Variants in UGT1A5 observed in about 807,000 individuals in gnomAD.
UGT1A5 encodes the protein UDP-glucuronosyltransferase 1A5.
In UGT1A5, 29 loss-of-function variants were observed where a neutral mutation model predicts 40.3. That is an observed-to-expected ratio of 0.72 (90% CI 0.54 to 0.98). UGT1A5 has a LOEUF of 0.98. Among genes scored for constraint, UGT1A5 ranks in the 50% least tolerant of loss-of-function variants. The pLI is 0.00. For synonymous variants in UGT1A5, 257 were observed against 262.5 expected (o/e 0.98, Z 0.20); for missense variants, 678 against 677.9 (o/e 1.00, Z 0.00).
At chr2:233,754,489 A>G (rs1289708374) in intron 1 of UGT1A5, 4 of 357,158 alleles carry the variant, frequency 1.1e-5, no homozygotes, top group Non-Finnish European at 1.1e-5. Flanking sequence ...TTTCAATCCT[A>G]AAAAAAGTCC....
intron 1 of UGT1A5, among the ~76,000 whole-genome samples, chr2:233,717,113 A>T (rs1374660753): frequency 6.6e-6 from 1 of 152,068 alleles, no homozygotes; most frequent in Admixed American, 6.6e-5. Flanking sequence ...ATAAAACACC[A>T]CTACATGGAA....
At chr2:233,748,105 C>T in intron 1 of UGT1A5, 1 of 1,612,580 alleles carries the variant, frequency 6.2e-7, no homozygotes, top group Non-Finnish European at 8.5e-7. Flanking sequence ...TTCATCCAAT[C>T]AATGTTCCAG....
At chr2:233,722,096 T>C (rs1392126534) in intron 1 of UGT1A5, 1 of 203,514 alleles carries the variant, frequency 4.9e-6, no homozygotes, top group East Asian at 1.4e-4. Context: ...ACCTTAGGCC[T>C]CTTAGAGGAA....
Position 233,724,954 on chromosome 2 carries a change from C to T in UGT1A5, c.867+11096C>T, listed in dbSNP as rs544768388. Among the ~76,000 whole-genome samples, 7 of 144,024 alleles carry T rather than the reference C, an allele frequency of 4.9e-5. No homozygotes were observed. In the South Asian group the frequency reaches 7.3e-4, roughly 15 times the overall value. 94.5% of individuals were successfully genotyped at this position (144,024 alleles called of 152,430 possible). Reference sequence around the variant, plus strand: ...GACTCCGTCTGCAATCCCGGCACCTCGGGAGGCCGAGGTTGGCGGATCACT... The same window carrying T: ...GACTCCGTCTGCAATCCCGGCACCTTGGGAGGCCGAGGTTGGCGGATCACT... On this transcript the variant is annotated intron_variant, in intron 1 of 4. Transcript: ENST00000373414.
rs1263379860 is a variant in UGT1A5 at position 233,724,980 on chromosome 2, C to T, written c.867+11122C>T. 2.1e-5 allele frequency among the ~76,000 whole-genome samples: 3 copies of T among 144,408 alleles called. 1 individual carries two copies. Among genetic ancestry groups the T allele is most frequent in the East Asian group, 2.1e-4 (1 of 4,756 alleles). The allele number at this position is 144,408 out of a possible 152,430, so 94.7% of individuals were successfully genotyped here. Reference sequence around the variant, plus strand: ...GGGAGGCCGAGGTTGGCGGATCACTCGCGGTTAGGGGCTGGAGACCGGCCC... The same window carrying T: ...GGGAGGCCGAGGTTGGCGGATCACTTGCGGTTAGGGGCTGGAGACCGGCCC... On this transcript the variant is annotated intron_variant, in intron 1 of 4. Transcript: ENST00000373414.
intron 1 of UGT1A5, chr2:233,760,234 A>C: frequency 1.8e-6 from 2 of 1,136,914 alleles, no homozygotes; most frequent in South Asian, 2.9e-5. Flanking sequence ...GGTTTTTGCC[A>C]TATATATATA....
chr2:233,749,706 G>A (rs1034716164), intron 1 of UGT1A5, among the ~76,000 whole-genome samples: 7 of 151,828 alleles, frequency 4.6e-5, no homozygotes, highest in Non-Finnish European at 8.8e-5. Context: ...GAGGTGATTG[G>A]ATCATGGGGG....
chr2:233,744,158 C>T (rs1163100045), intron 1 of UGT1A5: 5 of 297,370 alleles, frequency 1.7e-5, no homozygotes, highest in Admixed American at 4.5e-5. Context: ...GACCAGGCCC[C>T]GCCCACTCCG....
Position 233,729,755 on chromosome 2 carries a change from G to T in UGT1A5, c.867+15897G>T, listed in dbSNP as rs2077920089. 1 of 1,613,802 alleles carries T rather than the reference G, an allele frequency of 6.2e-7. No homozygotes were observed. The highest frequency in any genetic ancestry group is 8.5e-7 in the Non-Finnish European group (1 of 1,179,862). On this transcript the variant is annotated intron_variant, in intron 1 of 4. Transcript: ENST00000373414. ...TCAGACCACATGACATTCATGCAAA[G>T]GGTCAAGAACATGCTCTACCCTCTG...
chr2:233,716,641 A>C (rs1322412642), intron 1 of UGT1A5, among the ~76,000 whole-genome samples: 1 of 152,130 alleles, frequency 6.6e-6, no homozygotes, highest in Non-Finnish European at 1.5e-5. Context: ...TATCGTTTGT[A>C]CTTTTTGTAC....
In UGT1A5 at chr2:233,713,008, A is replaced by G; in HGVS notation, c.17A>G (p.Gln6Arg). Residue 6 changes from glutamine to arginine, a missense_variant, in exon 1 of 5, where the codon CAG becomes CGG. Physicochemically the swap from Gln to Arg is conservative, Grantham distance 43 (BLOSUM62 1). Coordinates refer to ENST00000373414, the MANE Select transcript of UGT1A5 (RefSeq NM_019078.2). MATGLQVPLPQLATGL... is the reference protein window; with the variant it reads MATGLRVPLPQLATGL... ...TCTGCTGAGATGGCCACAGGACTCCAGGTTCCCCTGCCGCAGCTGGCCACA... is the reference window on the plus strand; with the variant it reads ...TCTGCTGAGATGGCCACAGGACTCCGGGTTCCCCTGCCGCAGCTGGCCACA... 6.2e-7 allele frequency: 1 copy of G among 1,613,630 alleles called. No homozygotes were observed. The highest frequency in any genetic ancestry group is 8.5e-7 in the Non-Finnish European group (1 of 1,180,026).
intron 1 of UGT1A5, chr2:233,747,720 G>C: frequency 6.2e-7 from 1 of 1,613,342 alleles, no homozygotes; most frequent in African/African-American, 1.3e-5. Flanking sequence ...AATTCCTGCT[G>C]TGTTTTTTTT....
At position 233,768,335 on chromosome 2, in the gene UGT1A5, T is replaced by C. The variant is rs754652167; in HGVS notation, c.1203T>C (p.Asn401=). 1.9e-6 allele frequency: 3 copies of C among 1,614,076 alleles called. No homozygotes were observed. The highest frequency in any genetic ancestry group is 2.5e-6 in the Non-Finnish European group (3 of 1,180,042). Residue 401 remains asparagine, a synonymous_variant, in exon 4 of 5, where the codon AAT becomes AAC. Transcript: ENST00000373414. ...CCTTGTTTGGTGATCAGATGGACAA[T>C]GCAAAGCGCATGGAGACTAAGGGAG... ...MMPLFGDQMD[N]AKRMETKGAG...
rs1367170822 is a variant in UGT1A5 at position 233,772,461 on chromosome 2, GT to G, written c.1508del (p.Val503GlyfsTer43). The G allele has an allele frequency of 6.2e-7, 1 of 1,614,184 alleles. No individual in the cohort carries two copies. Among genetic ancestry groups the G allele is most frequent in the Non-Finnish European group, 8.5e-7 (1 of 1,180,040 alleles). On this transcript the variant is annotated frameshift_variant, in exon 5 of 5. Coordinates refer to ENST00000373414, the MANE Select transcript of UGT1A5 (RefSeq NM_019078.2). LOFTEE classifies it high-confidence loss of function. The stretch of plus-strand genomic sequence containing the variant: ...TTTCCTCTTGGCCGTCGTGCTGACA[GT>G]GGCCTTCATCACCTTTAAATGTTGT... ...IGFLLAVVLT[V>X]AFITFKCCAY...
intron 1 of UGT1A5, among the ~76,000 whole-genome samples, chr2:233,760,062 T>A (rs957059658): frequency 6.6e-5 from 10 of 152,144 alleles, no homozygotes; most frequent in African/African-American, 2.4e-4. Context: ...AGAATGTGAT[T>A]TGAGTATGAA....
chr2:233,758,139 G>T (rs553073565), intron 1 of UGT1A5, among the ~76,000 whole-genome samples: 1 of 152,336 alleles, frequency 6.6e-6, no homozygotes, highest in East Asian at 1.9e-4. Flanking sequence ...TGGCAGATGA[G>T]GGAATTAGCA....
intron 1 of UGT1A5, chr2:233,760,113 A>G: frequency 2.4e-6 from 3 of 1,233,108 alleles, no homozygotes; most frequent in Non-Finnish European, 3.3e-6. Flanking sequence ...TAAGAAACCT[A>G]ATAAAGCTCC....
rs72551340 is a variant in UGT1A5, at chr2:233,760,509, C to A, written c.868-6525C>A. 17 of 1,614,154 alleles carry A rather than the reference C, an allele frequency of 1.1e-5. No homozygotes were observed. Among genetic ancestry groups the A allele is most frequent in the Non-Finnish European group, 4.2e-6 (5 of 1,180,060 alleles). ...TGTACATCAGAGACGGAGCATTTTA[C>A]ACCTTGAAGACGTACCCTGTGCCAT... is the stretch of plus-strand genomic sequence containing the variant. On this transcript the variant is annotated intron_variant, in intron 1 of 4. Transcript: ENST00000373414.
rs190315696 is a variant in UGT1A5 at position 233,744,277 on chromosome 2, A to G, written c.868-22757A>G. On this transcript the variant is annotated intron_variant, in intron 1 of 4. Transcript: ENST00000373414. Reference sequence around the variant, plus strand: ...AACTGTTTTTCTTAAAGTAGGCTTTATATCAGTCTTTTTCCTCGGCCACAG... The same window carrying G: ...AACTGTTTTTCTTAAAGTAGGCTTTGTATCAGTCTTTTTCCTCGGCCACAG... 2.4e-3 allele frequency among the ~76,000 whole-genome samples: 368 copies of G among 151,920 alleles called. 17 individuals carry two copies. Among genetic ancestry groups the G allele is most frequent in the African/African-American group, 8.5e-3 (350 of 41,184 alleles).
Sources: gnomAD v4.1 joint callset for allele counts (sites outside exome capture counted in the v4.1 genomes callset) on GRCh38, gnomAD v4.1.1 for gene constraint, MANE v1.5 for transcripts, NCBI Gene and HGNC (gene_info 2026-07-23, HGNC 2026-07-21) for gene names.